The following DNER variants were observed in gnomAD, a reference collection of about 807,000 sequenced individuals.
DNER encodes delta/notch like EGF repeat containing.
In DNER, 33 loss-of-function variants were observed where a neutral mutation model predicts 78.2. The observed-to-expected ratio is 0.42, with a 90% CI of 0.32 to 0.56. The LOEUF (loss-of-function observed/expected upper bound fraction) is 0.56. DNER is among the 20% of genes least tolerant of loss of function. DNER has a pLI of 0.11. For missense variants in DNER, 918 were observed against 975.3 expected, an observed-to-expected ratio of 0.94 and a Z score of 0.78; for synonymous variants, 417 against 384.8, an observed-to-expected ratio of 1.08 and a Z score of -0.98.
intron 10 of DNER, among the ~76,000 whole-genome samples, chr2:229,392,490 G>A (rs774850050): frequency 4.6e-5 from 7 of 151,996 alleles, no homozygotes; most frequent in Non-Finnish European, 8.8e-5. Context: ...CACAACACAA[G>A]ATAGAACCAC....
At chr2:229,442,211 G>A (rs1014255264) in intron 8 of DNER, among the ~76,000 whole-genome samples, 4 of 152,274 alleles carry the variant, frequency 2.6e-5, no homozygotes, top group Middle Eastern at 3.4e-3. Flanking sequence ...CCTACAGCAT[G>A]TTAAATATAA....
intron 1 of DNER, among the ~76,000 whole-genome samples, chr2:229,695,899 G>A (rs149394124): frequency 6.4e-4 from 98 of 152,262 alleles, no homozygotes; most frequent in Admixed American, 5.2e-3. Flanking sequence ...GTCCAGAGTT[G>A]CCAGAACTGC....
intron 5 of DNER, among the ~76,000 whole-genome samples, chr2:229,544,853 C>A (rs1358462433): frequency 1.3e-5 from 2 of 152,146 alleles, no homozygotes; most frequent in Admixed American, 1.3e-4. Context: ...TATATTTAAG[C>A]AGCTGCAATA....
intron 6 of DNER, among the ~76,000 whole-genome samples, chr2:229,508,334 C>T (rs1465496412): frequency 6.6e-6 from 1 of 152,078 alleles, no homozygotes; most frequent in Non-Finnish European, 1.5e-5. Context: ...CCTTAAAAAC[C>T]TCCAGCACAT....
chr2:229,489,632 G>A (rs890285217), intron 6 of DNER, among the ~76,000 whole-genome samples: 2 of 152,002 alleles, frequency 1.3e-5, no homozygotes, highest in Admixed American at 6.6e-5. Context: ...TGGGCTAGAA[G>A]GGGTCTGGAA....
At chr2:229,552,722 C>T (rs1041193175) in intron 4 of DNER, among the ~76,000 whole-genome samples, 2 of 152,142 alleles carry the variant, frequency 1.3e-5, no homozygotes, top group Admixed American at 1.3e-4. Context: ...TACAAATTAC[C>T]CAGTCTTGGG....
At chr2:229,527,685 T>C (rs1312262938) in intron 5 of DNER, among the ~76,000 whole-genome samples, 1 of 152,206 alleles carries the variant, frequency 6.6e-6, no homozygotes, top group Non-Finnish European at 1.5e-5. Context: ...TTCTATTTTT[T>C]AAAAAGAATG....
At chr2:229,489,055 C>A (rs1695338490) in intron 6 of DNER, among the ~76,000 whole-genome samples, 1 of 152,234 alleles carries the variant, frequency 6.6e-6, no homozygotes, top group South Asian at 2.1e-4. Context: ...AAGTAACTTC[C>A]CCAAGCTCAC....
Position 229,391,958 on chromosome 2 carries a change from G to A in DNER, c.1724-3562C>T, listed in dbSNP as rs896876097. On this transcript the variant is annotated intron_variant, in intron 10 of 12. Coordinates refer to ENST00000341772, the MANE Select transcript of DNER (RefSeq NM_139072.4). Reference sequence around the variant, plus strand: ...TACTGATTCTGCTTGCTTTCCTTGGGTAAATTAAGAAATGCAAAAAGACAA... The same window carrying A: ...TACTGATTCTGCTTGCTTTCCTTGGATAAATTAAGAAATGCAAAAAGACAA... Among the ~76,000 whole-genome samples the A allele has an allele frequency of 9.9e-5, 15 of 152,070 alleles. 1 individual carries two copies. Among genetic ancestry groups the A allele is most frequent in the African/African-American group, 3.6e-4 (15 of 41,380 alleles).
chr2:229,544,892 T>C (rs962075457), intron 5 of DNER, among the ~76,000 whole-genome samples: 1 of 152,228 alleles, frequency 6.6e-6, no homozygotes, highest in African/African-American at 2.4e-5. Flanking sequence ...TCACAGGTTT[T>C]CTAAGATGAC....
At chr2:229,538,270 G>GTC (rs1696448775) in intron 5 of DNER, among the ~76,000 whole-genome samples, 1 of 152,202 alleles carries the variant, frequency 6.6e-6, no homozygotes, top group Non-Finnish European at 1.5e-5. Flanking sequence ...TTAGCATTAA[G>GTC]TCTGGAGCAT....
intron 5 of DNER, among the ~76,000 whole-genome samples, chr2:229,514,481 T>C (rs913810144): frequency 6.6e-6 from 1 of 152,238 alleles, no homozygotes; most frequent in African/African-American, 2.4e-5. Flanking sequence ...TTTTATCAAA[T>C]GCCATTTTAG....
chr2:229,609,907 A>G (rs1698012756), intron 1 of DNER, among the ~76,000 whole-genome samples: 1 of 152,246 alleles, frequency 6.6e-6, no homozygotes, highest in Non-Finnish European at 1.5e-5. Flanking sequence ...TCCCAGAATT[A>G]TATCACTGAT....
chr2:229,517,595 T>A (rs1696005849), intron 5 of DNER, among the ~76,000 whole-genome samples: 7 of 152,130 alleles, frequency 4.6e-5, no homozygotes. Flanking sequence ...CCAGTGTCGC[T>A]AGAGTATAGC....
intron 6 of DNER, among the ~76,000 whole-genome samples, chr2:229,481,180 C>T (rs12475538): frequency 0.12 from 19,005 of 152,170 alleles, 1,332 homozygotes; most frequent in South Asian, 0.2. Context: ...TTGGTGCGAG[C>T]GTTTCCCAAA....
chr2:229,496,193 T>G (rs144929850), intron 6 of DNER, among the ~76,000 whole-genome samples: 13 of 152,324 alleles, frequency 8.5e-5, no homozygotes, highest in African/African-American at 3.1e-4. Context: ...TTGATGCGGA[T>G]GACAATCCCT....
chr2:229,445,107 C>A, intron 8 of DNER, among the ~76,000 whole-genome samples: 1 of 152,180 alleles, frequency 6.6e-6, no homozygotes, highest in East Asian at 1.9e-4. Flanking sequence ...ACAGCGTGCT[C>A]GTGAGTCAGT....
At chr2:229,501,449 A>G (rs1354205862) in intron 6 of DNER, among the ~76,000 whole-genome samples, 6 of 151,986 alleles carry the variant, frequency 3.9e-5, no homozygotes, top group Non-Finnish European at 8.8e-5. Context: ...AAAATTTTGT[A>G]CTGATACTTG....
At chr2:229,448,884 C>T (rs1694395592) in intron 7 of DNER, among the ~76,000 whole-genome samples, 1 of 152,106 alleles carries the variant, frequency 6.6e-6, no homozygotes. Flanking sequence ...TCTATTTACT[C>T]ATCTTCTTAT....
Sources: allele counts gnomAD v4.1 joint callset (sites outside exome capture counted in the v4.1 genomes callset), GRCh38; gene constraint gnomAD v4.1.1; transcripts MANE v1.5; gene names NCBI Gene and HGNC (gene_info 2026-07-23, HGNC 2026-07-21).